Variants in SFXN5 observed in about 807,000 individuals in gnomAD.
The protein encoded by SFXN5 is sideroflexin 5.
SFXN5 carries 43 observed loss-of-function variants against 50.2 expected under a neutral mutation model. The ratio of observed to expected loss-of-function variants is 0.86; its 90% CI spans 0.67 to 1.11. The LOEUF (loss-of-function observed/expected upper bound fraction) is 1.11. Ranked by LOEUF, SFXN5 falls within the 50% of genes least tolerant of loss-of-function variation. The pLI, the probability that SFXN5 is intolerant of heterozygous loss-of-function variation, is 0.00. For missense variants in SFXN5, 463 were observed against 454.1 expected (o/e 1.02, Z -0.18); for synonymous variants, 203 against 185.8 (o/e 1.09, Z -0.75).
chr2:72,981,292 A>G (rs1005455653), intron 10 of SFXN5: 3 of 152,032 alleles, frequency 2.0e-5, no homozygotes, highest in African/African-American at 7.2e-5. Context: ...CTGAGTGAGC[A>G]TCATCAGAGG....
At chr2:73,021,126 T>C (rs1676831623) in intron 5 of SFXN5, among the ~76,000 whole-genome samples, 1 of 151,952 alleles carries the variant, frequency 6.6e-6, no homozygotes, top group African/African-American at 2.4e-5. Context: ...CTCAAAAAGG[T>C]CAAGAATTAC....
chr2:73,055,598 C>CTTTTTTT (rs570909541), intron 2 of SFXN5, among the ~76,000 whole-genome samples: 3 of 133,926 alleles, frequency 2.2e-5, no homozygotes, highest in Non-Finnish European at 3.2e-5. Flanking sequence ...TTTTCTTTTT[C>CTTTTTTT]TTTTTTTTTT....
rs1323310860 is a variant in SFXN5, at chr2:72,992,358, C to G, written c.535-4010G>C. On this transcript the variant is annotated intron_variant, in intron 9 of 13. Transcript: ENST00000272433. This position sits in a 1 kb window ranked among gnomAD's most constrained non-coding sequence, Gnocchi z 4.5. ...AAGTACCAAGGGCTTTCCGGGCCAA[C>G]AACAGGCCAGCAAGGAGACACTGGA... Among the ~76,000 whole-genome samples the G allele has an allele frequency of 6.6e-6, 1 of 152,174 alleles. No individual in the cohort carries two copies. Among genetic ancestry groups the G allele is most frequent in the Non-Finnish European group, 1.5e-5 (1 of 68,032 alleles).
chr2:72,985,923 T>C (rs1671861277), intron 10 of SFXN5, among the ~76,000 whole-genome samples: 1 of 152,184 alleles, frequency 6.6e-6, no homozygotes, highest in East Asian at 1.9e-4. Context: ...CACAGCAAGA[T>C]GGCCAGTAGG....
At position 72,950,835 on chromosome 2, in the gene SFXN5, C is replaced by T. The variant is rs1672451924; in HGVS notation, c.946-5736G>A. On this transcript the variant is annotated intron_variant, in intron 13 of 13. Transcript: ENST00000272433. This position sits in a 1 kb window ranked among gnomAD's most constrained non-coding sequence, Gnocchi z 4.2. ...AGGGCAGTGGGTCGAGGGGCAGGGA[C>T]TTGGCTGTGACCACAGACTGGCTCT... Among the ~76,000 whole-genome samples the T allele has an allele frequency of 6.6e-6, 1 of 152,258 alleles. No homozygotes were observed. Among genetic ancestry groups the T allele is most frequent in the Non-Finnish European group, 1.5e-5 (1 of 68,048 alleles).
At chr2:72,949,985 G>C (rs1425610088) in intron 13 of SFXN5, among the ~76,000 whole-genome samples, 2 of 152,104 alleles carry the variant, frequency 1.3e-5, no homozygotes, top group Non-Finnish European at 2.9e-5. Flanking sequence ...GTGCCAGTGG[G>C]TTCCCCAGGT....
At chr2:73,005,016 G>C (rs943574719) in intron 6 of SFXN5, among the ~76,000 whole-genome samples, 3 of 152,168 alleles carry the variant, frequency 2.0e-5, no homozygotes, top group Non-Finnish European at 4.4e-5. Context: ...ATAGAGAGAG[G>C]GAGCCAGTCC....
At chr2:73,061,964 A>T (rs1682841337) in intron 1 of SFXN5, among the ~76,000 whole-genome samples, 1 of 152,110 alleles carries the variant, frequency 6.6e-6, no homozygotes, top group Non-Finnish European at 1.5e-5. Context: ...AAAAATTTTA[A>T]AAATTAGCCA....
intron 13 of SFXN5, among the ~76,000 whole-genome samples, chr2:72,952,346 T>C (rs150089754): frequency 2.6e-5 from 4 of 152,316 alleles, no homozygotes; most frequent in African/African-American, 9.6e-5. Flanking sequence ...CCCCAGCACA[T>C]GCTTTTATCT....
chr2:73,069,882 T>C (rs757114160), intron 1 of SFXN5, among the ~76,000 whole-genome samples: 10 of 151,570 alleles, frequency 6.6e-5, no homozygotes, highest in Non-Finnish European at 1.5e-4. Flanking sequence ...GCCTAACCTG[T>C]CTCCATCAGG....
rs1001399407 is a variant in SFXN5, at chr2:72,987,114, T to G, written c.625+1144A>C. Among the ~76,000 whole-genome samples, 13 of 149,788 alleles carry G rather than the reference T, an allele frequency of 8.7e-5. No individual in the cohort carries two copies. The East Asian group carries it at 1.8e-3, about 20-fold the overall frequency. ...ATATAGTAATAGATGTTTTTTGGGGTTTTTTTTGTTTTGTTTTGTTTTTGA... is the reference window on the plus strand; with the variant it reads ...ATATAGTAATAGATGTTTTTTGGGGGTTTTTTTGTTTTGTTTTGTTTTTGA... On this transcript the variant is annotated intron_variant, in intron 10 of 13. Transcript: ENST00000272433.
In SFXN5 at chr2:73,016,821, A is replaced by T. The variant is rs555916987; in HGVS notation, c.357+3418T>A. Among the ~76,000 whole-genome samples, 6 of 152,300 alleles carry T rather than the reference A, an allele frequency of 3.9e-5. No homozygotes were observed. In the East Asian group the frequency reaches 1.2e-3, roughly 29 times the overall value. ...CTTATGATGTGGTTACGCCTGATAA[A>T]CCCATCATAAATTGAACATATCGTA... On this transcript the variant is annotated intron_variant, in intron 6 of 13. Transcript: ENST00000272433.
intron 1 of SFXN5, chr2:73,059,651 C>G: frequency 6.8e-6 from 6 of 887,612 alleles, no homozygotes; most frequent in Non-Finnish European, 6.7e-6. Context: ...ACCTCTAACC[C>G]CTAATGCCAC....
intron 3 of SFXN5, among the ~76,000 whole-genome samples, chr2:73,028,678 C>T (rs1010039359): frequency 5.9e-5 from 9 of 152,146 alleles, no homozygotes; most frequent in Admixed American, 2.0e-4. Flanking sequence ...ACAAATGATA[C>T]GGTCAGCTCT....
chr2:72,981,619 TG>T (rs752827096), intron 10 of SFXN5, among the ~76,000 whole-genome samples: 12 of 152,184 alleles, frequency 7.9e-5, no homozygotes, highest in Non-Finnish European at 1.6e-4. Flanking sequence ...GACAGAGCCC[TG>T]GGACACTAGA....
At chr2:73,022,438 G>A in intron 5 of SFXN5, 84 bp downstream of exon 5, 1 of 1,043,070 alleles carries the variant, frequency 9.6e-7, no homozygotes, top group Non-Finnish European at 1.5e-6. Context: ...CCCTCCTTAG[G>A]CCAGCACATC....
chr2:73,035,999 G>A (rs1415369372), intron 3 of SFXN5, among the ~76,000 whole-genome samples: 1 of 152,200 alleles, frequency 6.6e-6, no homozygotes, highest in Non-Finnish European at 1.5e-5. Context: ...AACCAGCACT[G>A]CCCACAACAC....
intron 11 of SFXN5, 127 bp from the exon 12 acceptor site, chr2:72,968,660 G>A: frequency 1.4e-6 from 1 of 701,126 alleles, no homozygotes; most frequent in Non-Finnish European, 2.2e-6. Context: ...TCATGGGATT[G>A]CTCAGGAAGC....
chr2:73,068,008 T>C (rs980472992), intron 1 of SFXN5, among the ~76,000 whole-genome samples: 2 of 152,164 alleles, frequency 1.3e-5, no homozygotes, highest in Admixed American at 6.5e-5. Context: ...ATCGTCACCA[T>C]CTTATGGGGA....
Sources: allele counts gnomAD v4.1 joint callset (sites outside exome capture counted in the v4.1 genomes callset), GRCh38; gene constraint gnomAD v4.1.1; non-coding constraint Gnocchi (gnomAD v3.1); transcripts MANE v1.5; gene names NCBI Gene and HGNC (gene_info 2026-07-23, HGNC 2026-07-21).